PKD1L1: variants seen among roughly 807,000 people sequenced by gnomAD.
PKD1L1 encodes the protein polycystin 1 like 1, transient receptor potential channel interacting.
A neutral mutation model predicts 323.4 loss-of-function variants in PKD1L1; 236 were observed. The observed-to-expected ratio is 0.73, with a 90% CI of 0.66 to 0.81. The LOEUF (loss-of-function observed/expected upper bound fraction) is 0.81, where lower values mean the gene tolerates loss of function less well. PKD1L1 is among the 40% of genes least tolerant of loss of function. The pLI, the probability that PKD1L1 is intolerant of heterozygous loss-of-function variation, is 0.00. For missense variants in PKD1L1, 3,320 were observed against 3,508.0 expected, an observed-to-expected ratio of 0.95 and a Z score of 1.35; for synonymous variants, 1,344 against 1,335.0, an observed-to-expected ratio of 1.01 and a Z score of -0.15.
chr7:47,877,083 A>T (rs1351099264), intron 22 of PKD1L1, among the ~76,000 whole-genome samples: 9 of 152,264 alleles, frequency 5.9e-5, no homozygotes, highest in African/African-American at 2.2e-4. Context: ...TCCATGGCCC[A>T]GAGAAAGGGT....
chr7:47,861,525 G>C (rs925874074), intron 26 of PKD1L1, among the ~76,000 whole-genome samples: 3 of 152,190 alleles, frequency 2.0e-5, no homozygotes, highest in Non-Finnish European at 4.4e-5. Flanking sequence ...TGCCTACGTT[G>C]GGTTGTGTGC....
Position 47,885,945 on chromosome 7 carries a change from A to G in PKD1L1, c.2946T>C (p.Asp982=), listed in dbSNP as rs948860404. The part of the protein sequence containing the change: ...LPTEPGTADP[D]ATTTPFSREP... ...CCCGTGAGAATGGTGTGGTCGTTGC[A>G]TCAGGATCTGCAGTGCCAGGCTCAG... Residue 982 remains aspartate (D), a synonymous_variant, in exon 18 of 57, where the codon GAT becomes GAC. Transcript: ENST00000289672. The G allele has an allele frequency of 5.6e-6, 9 of 1,614,178 alleles. No homozygotes were observed. Among genetic ancestry groups the G allele is most frequent in the Non-Finnish European group, 6.8e-6 (8 of 1,180,036 alleles).
chr7:47,828,956 T>C (rs536322689), intron 44 of PKD1L1, among the ~76,000 whole-genome samples: 2 of 152,268 alleles, frequency 1.3e-5, no homozygotes, highest in East Asian at 3.9e-4. Context: ...AGCAGACCTC[T>C]CTCTTCCTTC....
At position 47,898,095 on chromosome 7, in the gene PKD1L1, A is replaced by G. The variant is rs1786999953; in HGVS notation, c.2164T>C (p.Ser722Pro). 6.2e-6 allele frequency: 10 copies of G among 1,614,106 alleles called. No individual in the cohort carries two copies. The highest frequency in any genetic ancestry group is 8.5e-6 in the Non-Finnish European group (10 of 1,180,024). Residue 722 changes from serine (S) to proline (P), a missense_variant, in exon 14 of 57, where the codon TCT becomes CCT. Ser to Pro is a moderately conservative substitution (Grantham distance 74). Coordinates refer to ENST00000289672, the MANE Select transcript of PKD1L1 (RefSeq NM_138295.5). ...GGGAGGGAGACAGGGAGCCCTTCAG[A>G]GTCCATCAAGTTCCAGGTGTAAGAA... ...GLSYTWNLMD[S>P]EGLPVSLPAA...
chr7:47,959,286 G>T, the PKD1L1 span, among the ~76,000 whole-genome samples: 3 of 147,550 alleles, frequency 2.0e-5, no homozygotes, highest in African/African-American at 7.6e-5. Context: ...GCCGCCCATC[G>T]TCTGGGATGT....
At position 47,839,122 on chromosome 7, in the gene PKD1L1, C is replaced by T. The variant is rs1785515999; in HGVS notation, c.5769+324G>A. ...ATAGTTATCTAGGTTGTTTGGGACA[C>T]ACATAGGGCACTGAAAAGTCTTTAA... On this transcript the variant is annotated intron_variant, in intron 36 of 56. Transcript: ENST00000289672. This position sits in a 1 kb window ranked among gnomAD's most constrained non-coding sequence, Gnocchi z 4.3. 6.6e-6 allele frequency among the ~76,000 whole-genome samples: 1 copy of T among 152,098 alleles called. No individual in the cohort carries two copies. The highest frequency in any genetic ancestry group is 2.1e-4 in the South Asian group (1 of 4,830).
At chr7:47,958,648 G>A in the PKD1L1 span, among the ~76,000 whole-genome samples, 2 of 152,294 alleles carry the variant, frequency 1.3e-5, no homozygotes, top group East Asian at 1.9e-4. Flanking sequence ...ATAGTGAAGC[G>A]ACAACCTATA....
intron 7 of PKD1L1, among the ~76,000 whole-genome samples, chr7:47,925,736 C>T (rs1429257839): frequency 1.3e-5 from 2 of 152,156 alleles, no homozygotes; most frequent in African/African-American, 4.8e-5. Context: ...AAGATACCAA[C>T]ATGACAGATA....
Position 47,800,739 on chromosome 7 carries a change from G to C in PKD1L1, c.8103C>G (p.Cys2701Trp). 1 of 1,614,188 alleles carries C rather than the reference G, an allele frequency of 6.2e-7. No homozygotes were observed. The highest frequency in any genetic ancestry group is 8.5e-7 in the Non-Finnish European group (1 of 1,180,040). ...GGTCAGACTTGGAAAGGCCAAGGAG[G>C]CAGTCTTTTTGGCTTCTTCTGGGAA... ...FHFPRRSQKD[C>W]LLGLSKSDQR... The change falls in exon 54 of 57, where the codon TGC becomes TGG. Residue 2701 changes from cysteine (C) to tryptophan (W), a missense_variant. By Grantham distance (215) the Cys-to-Trp change is radical (BLOSUM62 -2). Transcript: ENST00000289672.
At chr7:47,868,147 C>A (rs143671442) in intron 24 of PKD1L1, among the ~76,000 whole-genome samples, 9,192 of 152,124 alleles carry the variant, frequency 0.06, 371 homozygotes, top group Non-Finnish European at 0.072. Flanking sequence ...GCATGTGGAT[C>A]ACCTGAGGTC....
chr7:47,932,116 C>G, intron 4 of PKD1L1, 60 bp from the exon 5 acceptor site: 1 of 1,554,632 alleles, frequency 6.4e-7, no homozygotes, highest in Non-Finnish European at 8.7e-7. Flanking sequence ...AGTCACATAT[C>G]TGGCTTATTT....
chr7:47,941,844 A>C (rs888026002), intron 2 of PKD1L1, among the ~76,000 whole-genome samples: 13 of 152,230 alleles, frequency 8.5e-5, no homozygotes, highest in African/African-American at 3.1e-4. Context: ...AGAAATAAAT[A>C]AAAAATCATA....
intron 50 of PKD1L1, chr7:47,809,869 G>A (rs898640672): frequency 7.5e-6 from 2 of 265,384 alleles, no homozygotes; most frequent in African/African-American, 2.2e-5. Flanking sequence ...ACGGCCACCA[G>A]GCCTCCCGAC....
At chr7:47,811,217 A>G (rs931771618) in intron 50 of PKD1L1, among the ~76,000 whole-genome samples, 1 of 149,554 alleles carries the variant, frequency 6.7e-6, no homozygotes, top group African/African-American at 2.5e-5. Context: ...GCAGTGGCGC[A>G]ATCTCAGCTC....
At chr7:47,942,003 T>C (rs1787998420) in intron 2 of PKD1L1, among the ~76,000 whole-genome samples, 1 of 152,196 alleles carries the variant, frequency 6.6e-6, no homozygotes, top group African/African-American at 2.4e-5. Flanking sequence ...CTGACTCTCC[T>C]AGTCTTAAAA....
chr7:47,876,251 A>C (rs771067214), intron 22 of PKD1L1, 34 bp from the exon 23 acceptor site: 6 of 1,608,188 alleles, frequency 3.7e-6, no homozygotes, highest in Non-Finnish European at 5.1e-6. Context: ...AAAATAGTAT[A>C]AATGAACACA....
Position 47,815,318 on chromosome 7 carries a change from G to GA in PKD1L1, c.7089+15dup, listed in dbSNP as rs1448748498. ...TTCTGAGATGATCTCCTATGAAGAG[G>GA]AGACGGAAAGCTCACCTGAGCCCCC... On this transcript the variant is annotated intron_variant, in intron 47 of 56. Coordinates refer to ENST00000289672, the MANE Select transcript of PKD1L1 (RefSeq NM_138295.5). The GA allele has an allele frequency of 1.2e-6, 2 of 1,611,800 alleles. No individual in the cohort carries two copies. Among genetic ancestry groups the GA allele is most frequent in the African/African-American group, 2.7e-5 (2 of 74,812 alleles).
At chr7:47,785,543 T>C (rs774229458) in intron 56 of PKD1L1, among the ~76,000 whole-genome samples, 4 of 152,044 alleles carry the variant, frequency 2.6e-5, no homozygotes, top group Non-Finnish European at 5.9e-5. Flanking sequence ...TCTACTACTG[T>C]CCTCCTTTTA....
intron 36 of PKD1L1, among the ~76,000 whole-genome samples, chr7:47,838,493 A>G (rs1438420704): frequency 6.6e-6 from 1 of 152,214 alleles, no homozygotes; most frequent in Non-Finnish European, 1.5e-5. Flanking sequence ...ACAGGTCTTC[A>G]GCAAATGGTC....
Sources: allele counts gnomAD v4.1 joint callset (sites outside exome capture counted in the v4.1 genomes callset), GRCh38; gene constraint gnomAD v4.1.1; non-coding constraint Gnocchi (gnomAD v3.1); transcripts MANE v1.5; gene names NCBI Gene and HGNC (gene_info 2026-07-23, HGNC 2026-07-21).